The following PPP2R5A variants were observed in gnomAD, a reference collection of about 807,000 sequenced individuals.
The protein encoded by PPP2R5A is serine/threonine-protein phosphatase 2A 56 kDa regulatory subunit alpha isoform.
A neutral mutation model predicts 64.2 loss-of-function variants in PPP2R5A; 25 were observed. The observed-to-expected ratio is 0.39, with a 90% CI of 0.28 to 0.54. The LOEUF (loss-of-function observed/expected upper bound fraction) is 0.54, where lower values mean the gene tolerates loss of function less well. Among genes scored for constraint, PPP2R5A ranks in the 20% least tolerant of loss-of-function variants. The pLI is 0.67. For synonymous variants in PPP2R5A, 198 were observed against 201.2 expected, an observed-to-expected ratio of 0.98 and a Z score of 0.13; for missense variants, 425 against 576.3, an observed-to-expected ratio of 0.74 and a Z score of 2.69.
intron 3 of PPP2R5A, among the ~76,000 whole-genome samples, chr1:212,338,871 A>G (rs1430160356): frequency 6.6e-6 from 1 of 152,164 alleles, no homozygotes; most frequent in Non-Finnish European, 1.5e-5. Flanking sequence ...TGTGATTTTC[A>G]TTCATTCAGT....
intron 1 of PPP2R5A, among the ~76,000 whole-genome samples, chr1:212,291,352 G>T (rs1658599176): frequency 6.6e-6 from 1 of 152,132 alleles, no homozygotes; most frequent in Admixed American, 6.5e-5. Flanking sequence ...AAAGTTATGG[G>T]ATTACAGGCG....
chr1:212,286,959 T>A (rs1658515677), intron 1 of PPP2R5A, among the ~76,000 whole-genome samples: 1 of 152,246 alleles, frequency 6.6e-6, no homozygotes, highest in Non-Finnish European at 1.5e-5. Context: ...TTTAAAATAT[T>A]CTGTTGTCTG....
At chr1:212,295,046 G>T (rs561796246) in intron 1 of PPP2R5A, among the ~76,000 whole-genome samples, 1 of 152,190 alleles carries the variant, frequency 6.6e-6, no homozygotes, top group Non-Finnish European at 1.5e-5. Flanking sequence ...GGTATATTCT[G>T]TATCACTAGA....
chr1:212,309,427 C>T, intron 1 of PPP2R5A: 1 of 1,190,062 alleles, frequency 8.4e-7, no homozygotes, highest in Non-Finnish European at 1.2e-6. Context: ...GCTGTGGACA[C>T]CTTTCAACAT....
intron 12 of PPP2R5A, 48 bp downstream of exon 12, chr1:212,358,835 T>C (rs765001543): frequency 6.8e-7 from 1 of 1,460,730 alleles, no homozygotes; most frequent in Non-Finnish European, 9.6e-7. Flanking sequence ...TTTATGTTAG[T>C]TGAATGTGAT....
chr1:212,300,885 A>C (rs960261625), intron 1 of PPP2R5A, among the ~76,000 whole-genome samples: 1 of 151,994 alleles, frequency 6.6e-6, no homozygotes, highest in Non-Finnish European at 1.5e-5. Flanking sequence ...AAAAATATAT[A>C]TAATATTTTA....
intron 1 of PPP2R5A, among the ~76,000 whole-genome samples, chr1:212,294,567 A>G (rs887645138): frequency 4.6e-5 from 7 of 152,256 alleles, no homozygotes; most frequent in Admixed American, 4.6e-4. Context: ...TCAAAAATCT[A>G]GTACAGAAAT....
At chr1:212,320,690 C>T (rs1452549465) in intron 1 of PPP2R5A, among the ~76,000 whole-genome samples, 4 of 108,538 alleles carry the variant, frequency 3.7e-5, no homozygotes, top group Non-Finnish European at 4.4e-5. Flanking sequence ...GGGGGCTGAC[C>T]CCCCCACCTC....
chr1:212,356,666 G>C lies in PPP2R5A; in HGVS notation c.968G>C (p.Ser323Thr). 6.2e-7 allele frequency: 1 copy of C among 1,613,046 alleles called. No homozygotes were observed. Among genetic ancestry groups the C allele is most frequent in the Non-Finnish European group, 8.5e-7 (1 of 1,179,594 alleles). ...GLLKFWPKTCSQKEVMFLGEI... is the reference protein window; with the variant it reads ...GLLKFWPKTCTQKEVMFLGEI... ...CTGAAATTTTGGCCAAAAACCTGCAGTCAGAAAGAGGTGGGTTTTGTTCAC... is the reference window on the plus strand; with the variant it reads ...CTGAAATTTTGGCCAAAAACCTGCACTCAGAAAGAGGTGGGTTTTGTTCAC... Residue 323 changes from serine to threonine, a missense_variant, in exon 9 of 13, where the codon AGT becomes ACT. Physicochemically the swap from Ser to Thr is moderately conservative, Grantham distance 58. Coordinates refer to ENST00000261461, the MANE Select transcript of PPP2R5A (RefSeq NM_006243.4).
At chr1:212,359,138 A>G (rs1396104000) in intron 12 of PPP2R5A, among the ~76,000 whole-genome samples, 3 of 152,228 alleles carry the variant, frequency 2.0e-5, no homozygotes, top group Non-Finnish European at 2.9e-5. Flanking sequence ...GCATCTGCAT[A>G]TGAAATATAA....
intron 1 of PPP2R5A, among the ~76,000 whole-genome samples, chr1:212,311,501 T>C (rs1403515114): frequency 2.0e-5 from 3 of 152,120 alleles, no homozygotes; most frequent in African/African-American, 7.2e-5. Context: ...TATACAATTA[T>C]GTACAATACA....
intron 1 of PPP2R5A, among the ~76,000 whole-genome samples, chr1:212,315,992 GTTGT>G (rs1351990308): frequency 1.3e-5 from 2 of 152,134 alleles, no homozygotes; most frequent in Non-Finnish European, 2.9e-5. Context: ...ATCAGTAGGT[GTTGT>G]TTGTGTTCTG....
chr1:212,305,899 A>G (rs1029814959), intron 1 of PPP2R5A, among the ~76,000 whole-genome samples: 3 of 152,236 alleles, frequency 2.0e-5, no homozygotes, highest in African/African-American at 4.8e-5. Context: ...AACAGCCACA[A>G]GAAAACTGGA....
chr1:212,312,578 G>T (rs1488012090), intron 1 of PPP2R5A, among the ~76,000 whole-genome samples: 1 of 152,092 alleles, frequency 6.6e-6, no homozygotes, highest in Non-Finnish European at 1.5e-5. Context: ...GTAATAATTA[G>T]TATCTTAGCC....
intron 1 of PPP2R5A, among the ~76,000 whole-genome samples, chr1:212,302,994 A>G (rs952054446): frequency 3.3e-5 from 5 of 151,846 alleles, no homozygotes; most frequent in African/African-American, 1.2e-4. Context: ...TCCATTCCTC[A>G]CTCGATGGAC....
intron 1 of PPP2R5A, among the ~76,000 whole-genome samples, chr1:212,293,620 G>C (rs1427695995): frequency 1.3e-5 from 2 of 151,786 alleles, no homozygotes; most frequent in Non-Finnish European, 2.9e-5. Context: ...ATTTATGTGG[G>C]ACTTTTAAGT....
chr1:212,287,827 A>G (rs1342152), intron 1 of PPP2R5A, among the ~76,000 whole-genome samples: 23,426 of 151,856 alleles, frequency 0.15, 2,497 homozygotes, highest in East Asian at 0.37. Context: ...TTTTTCTCCC[A>G]TTAAATTGTC....
intron 4 of PPP2R5A, among the ~76,000 whole-genome samples, chr1:212,342,638 A>G (rs1659704378): frequency 6.6e-6 from 1 of 152,242 alleles, no homozygotes; most frequent in African/African-American, 2.4e-5. Context: ...AACTTGACAT[A>G]TATTTTAAGC....
intron 1 of PPP2R5A, among the ~76,000 whole-genome samples, chr1:212,296,261 T>A (rs1386655505): frequency 2.0e-5 from 3 of 151,606 alleles, no homozygotes; most frequent in Non-Finnish European, 4.4e-5. Context: ...AATCCAGAGT[T>A]GTATTTTGGA....
Sources: allele counts gnomAD v4.1 joint callset (sites outside exome capture counted in the v4.1 genomes callset), GRCh38; gene constraint gnomAD v4.1.1; transcripts MANE v1.5; gene names NCBI Gene and HGNC (gene_info 2026-07-23, HGNC 2026-07-21).